The following EPHA4 variants were observed in gnomAD, a reference collection of about 807,000 sequenced individuals.
EPHA4 encodes ephrin type-A receptor 4.
Under a neutral mutation model 108.3 loss-of-function variants are expected in EPHA4, and 19 were observed. The observed-to-expected ratio is 0.18, with a 90% CI of 0.12 to 0.26. The LOEUF (loss-of-function observed/expected upper bound fraction) is 0.26. EPHA4 is among the 10% of genes least tolerant of loss of function. The pLI is 1.00. For missense variants in EPHA4, 917 were observed against 1,254.0 expected (o/e 0.73, Z 4.06); for synonymous variants, 449 against 455.5 (o/e 0.99, Z 0.18).
chr2:221,517,788 G>A (rs140498562), intron 3 of EPHA4, among the ~76,000 whole-genome samples: 9 of 152,280 alleles, frequency 5.9e-5, no homozygotes, highest in Non-Finnish European at 7.4e-5. Context: ...AATGCCACCC[G>A]CATGTGCTAT....
At chr2:221,506,719 G>C (rs964294183) in intron 3 of EPHA4, among the ~76,000 whole-genome samples, 2 of 152,186 alleles carry the variant, frequency 1.3e-5, no homozygotes, top group African/African-American at 4.8e-5. Context: ...AAATTAGATT[G>C]TTGAAGGGAC....
chr2:221,555,337 T>G (rs920509571), intron 3 of EPHA4, among the ~76,000 whole-genome samples: 1 of 152,180 alleles, frequency 6.6e-6, no homozygotes, highest in Non-Finnish European at 1.5e-5. Flanking sequence ...AAGGAAGCCC[T>G]CATTGCCTTT....
intron 11 of EPHA4, among the ~76,000 whole-genome samples, chr2:221,439,290 AT>A (rs1358902827): frequency 2.0e-5 from 3 of 149,910 alleles, no homozygotes; most frequent in Admixed American, 6.7e-5. Context: ...TAGTTCTCAG[AT>A]TCATTTACCC....
chr2:221,521,978 A>G (rs963053470), intron 3 of EPHA4, among the ~76,000 whole-genome samples: 1 of 152,184 alleles, frequency 6.6e-6, no homozygotes, highest in Admixed American at 6.5e-5. Context: ...CTCCATCTCA[A>G]TAAATTAAAA....
intron 5 of EPHA4, among the ~76,000 whole-genome samples, chr2:221,475,849 C>T (rs910983423): frequency 9.2e-5 from 14 of 152,178 alleles, no homozygotes; most frequent in Admixed American, 1.3e-4. Flanking sequence ...CTGGAGGATT[C>T]GATTTGGCCC....
intron 5 of EPHA4, among the ~76,000 whole-genome samples, chr2:221,476,717 A>G (rs1426105391): frequency 2.0e-5 from 3 of 152,134 alleles, no homozygotes; most frequent in African/African-American, 7.2e-5. Flanking sequence ...TATCTAGAAG[A>G]CAGGTAGCAA....
At chr2:221,442,725 CA>C (rs1225492196) in intron 11 of EPHA4, 103 bp downstream of exon 11, 2 of 1,159,530 alleles carry the variant, frequency 1.7e-6, no homozygotes, top group African/African-American at 3.0e-5. Context: ...CTCCTATTAG[CA>C]ATCAGTGGGT....
intron 1 of EPHA4, among the ~76,000 whole-genome samples, chr2:221,570,322 C>G (rs1033037849): frequency 3.3e-5 from 5 of 150,902 alleles, no homozygotes; most frequent in Admixed American, 2.6e-4. Context: ...TTCTCCCCCC[C>G]CCCCAAAAAA....
At chr2:221,448,759 A>G (rs1204369368) in intron 8 of EPHA4, among the ~76,000 whole-genome samples, 1 of 152,168 alleles carries the variant, frequency 6.6e-6, no homozygotes, top group Non-Finnish European at 1.5e-5. Flanking sequence ...GATCTCGAAC[A>G]CTGATTTGAA....
rs138233360 is a variant in EPHA4, at chr2:221,466,435, T to C, written c.1319-8445A>G. Among the ~76,000 whole-genome samples the C allele has an allele frequency of 4.0e-3, 605 of 152,292 alleles. 4 individuals carry two copies. Among genetic ancestry groups the C allele is most frequent in the African/African-American group, 0.014 (586 of 41,544 alleles). On this transcript the variant is annotated intron_variant, in intron 5 of 17. Transcript: ENST00000281821. ...GCACATACACGCACACCTGACATCATTTCATCCCTATAACTCTCTGAAGTA... is the reference window on the plus strand; with the variant it reads ...GCACATACACGCACACCTGACATCACTTCATCCCTATAACTCTCTGAAGTA...
chr2:221,572,086 C>T, intron 1 of EPHA4, 72 bp downstream of exon 1: 2 of 1,287,258 alleles, frequency 1.6e-6, no homozygotes, highest in Non-Finnish European at 2.3e-6. Flanking sequence ...CCTGGCCCTG[C>T]GCTCCTGAGG....
chr2:221,496,104 C>A (rs1437192364), intron 4 of EPHA4, among the ~76,000 whole-genome samples: 1 of 152,136 alleles, frequency 6.6e-6, no homozygotes, highest in African/African-American at 2.4e-5. Flanking sequence ...CACATCTTGT[C>A]AAGAGAATCC....
rs764546684 is a variant in EPHA4 at position 221,564,267 on chromosome 2, C to T, written c.287G>A (p.Arg96Lys). The change falls in exon 3 of 18, where the codon AGG becomes AAG. Residue 96 changes from arginine to lysine, a missense_variant. Arg to Lys is a conservative substitution (Grantham distance 26). This residue lies in a region of EPHA4 where 758 missense variants were observed against 1,076.7 expected (regional missense o/e 0.70). Transcript: ENST00000281821. ...TDWITREGAQ[R>K]VYIEIKFTLR... ...GGTGAATTTAATCTCAATATACACC[C>T]TCTGAGCCCCTTCTCGGGTGATCCA... The T allele has an allele frequency of 5.0e-6, 8 of 1,614,180 alleles. No individual in the cohort carries two copies. The highest frequency in any genetic ancestry group is 5.9e-6 in the Non-Finnish European group (7 of 1,180,042).
At chr2:221,444,459 T>TGGTA (rs78774465) in intron 9 of EPHA4, among the ~76,000 whole-genome samples, 124 of 152,070 alleles carry the variant, frequency 8.2e-4, no homozygotes, top group African/African-American at 2.9e-3. Context: ...GTTGGCCCAG[T>TGGTA]CCCTTCGACT....
At chr2:221,488,011 A>G (rs1273335741) in intron 4 of EPHA4, among the ~76,000 whole-genome samples, 1 of 152,134 alleles carries the variant, frequency 6.6e-6, no homozygotes, top group Non-Finnish European at 1.5e-5. Flanking sequence ...ATTTCTCTGT[A>G]AAGAAATTTT....
chr2:221,531,606 C>CTAGA (rs1224003442), intron 3 of EPHA4, among the ~76,000 whole-genome samples: 1 of 152,000 alleles, frequency 6.6e-6, no homozygotes, highest in African/African-American at 2.4e-5. Flanking sequence ...AGGGCTGATT[C>CTAGA]TAGATGATAC....
chr2:221,508,687 C>T (rs1692711037), intron 3 of EPHA4, among the ~76,000 whole-genome samples: 1 of 151,978 alleles, frequency 6.6e-6, no homozygotes, highest in African/African-American at 2.4e-5. Flanking sequence ...CCTGTATTGC[C>T]CCCCAAATTA....
chr2:221,541,674 G>T (rs527452788), intron 3 of EPHA4, among the ~76,000 whole-genome samples: 1 of 152,304 alleles, frequency 6.6e-6, no homozygotes, highest in Non-Finnish European at 1.5e-5. Flanking sequence ...TACCCAGCAA[G>T]GTAGGTGATT....
In EPHA4 at chr2:221,567,233, C is replaced by A. The variant is rs188625828; in HGVS notation, c.159+1485G>T. ...CTCACTGAATTTATTAATACAAGTA[C>A]TGACACTTTCCATCCTTAATTTTAC... On this transcript the variant is annotated intron_variant, in intron 2 of 17. Transcript: ENST00000281821. Among the ~76,000 whole-genome samples, 38 of 152,282 alleles carry A rather than the reference C, an allele frequency of 2.5e-4. No individual in the cohort carries two copies. In the East Asian group the frequency reaches 7.3e-3, roughly 29 times the overall value.
Sources: gnomAD v4.1 joint callset for allele counts (sites outside exome capture counted in the v4.1 genomes callset) on GRCh38, gnomAD v4.1.1 for gene constraint, gnomAD v4.1.1 regional missense constraint, MANE v1.5 for transcripts, NCBI Gene and HGNC (gene_info 2026-07-23, HGNC 2026-07-21) for gene names.